Variants in TFDP2 observed in about 807,000 individuals in gnomAD.
TFDP2 encodes transcription factor Dp-2, also known as transcription factor Dp-2 (E2F dimerization partner 2).
Under a neutral mutation model 59.3 loss-of-function variants are expected in TFDP2, and 17 were observed. The observed-to-expected ratio is 0.29, with a 90% CI of 0.20 to 0.43. The LOEUF is 0.43. Among genes scored for constraint, TFDP2 ranks in the 20% least tolerant of loss-of-function variants. The pLI is 1.00. For missense variants in TFDP2, 391 were observed against 528.8 expected (o/e 0.74, Z 2.56); for synonymous variants, 180 against 194.7 (o/e 0.92, Z 0.63).
intron 9 of TFDP2, among the ~76,000 whole-genome samples, chr3:141,966,916 TAAA>T (rs10668338): frequency 3.3e-5 from 4 of 120,740 alleles, no homozygotes; most frequent in Non-Finnish European, 1.7e-5. Flanking sequence ...GATTACTTAT[TAAA>T]AAAAAAAAAA....
chr3:142,009,013 T>C (rs1944435876), intron 3 of TFDP2, among the ~76,000 whole-genome samples: 1 of 152,150 alleles, frequency 6.6e-6, no homozygotes, highest in Admixed American at 6.5e-5. Context: ...CTCCTTCTTG[T>C]TAAAAGCTGT....
intron 4 of TFDP2, among the ~76,000 whole-genome samples, chr3:142,004,573 A>C (rs544674292): frequency 6.6e-6 from 1 of 152,360 alleles, no homozygotes; most frequent in Non-Finnish European, 1.5e-5. Context: ...TACACACTTC[A>C]TGCTCTAGCA....
chr3:141,980,610 T>C (rs941653547), intron 6 of TFDP2, among the ~76,000 whole-genome samples: 3 of 152,142 alleles, frequency 2.0e-5, no homozygotes, highest in African/African-American at 7.2e-5. Context: ...TGGTATGATC[T>C]CAGCTCACTG....
chr3:142,135,006 C>T (rs1295482733), intron 1 of TFDP2, among the ~76,000 whole-genome samples: 1 of 152,142 alleles, frequency 6.6e-6, no homozygotes, highest in Non-Finnish European at 1.5e-5. Context: ...TTAGCCACAG[C>T]ATTTCCATGA....
intron 1 of TFDP2, among the ~76,000 whole-genome samples, chr3:142,133,269 T>C (rs1482392579): frequency 6.7e-6 from 1 of 150,084 alleles, no homozygotes; most frequent in Non-Finnish European, 1.5e-5. Flanking sequence ...CAGACTGGAG[T>C]CCAGTGGCAC....
At chr3:142,027,862 T>C (rs1946208059) in intron 3 of TFDP2, among the ~76,000 whole-genome samples, 1 of 152,114 alleles carries the variant, frequency 6.6e-6, no homozygotes, top group Admixed American at 6.6e-5. Flanking sequence ...GCTAACATAA[T>C]GGCAGTCACT....
At chr3:142,031,070 AC>A (rs534137963) in intron 3 of TFDP2, among the ~76,000 whole-genome samples, 8 of 151,780 alleles carry the variant, frequency 5.3e-5, no homozygotes, top group African/African-American at 1.4e-4. Flanking sequence ...ATAGGAGAGC[AC>A]CCCCCCGGCC....
intron 6 of TFDP2, among the ~76,000 whole-genome samples, chr3:141,979,540 G>T (rs1330536758): frequency 6.6e-6 from 1 of 152,096 alleles, no homozygotes; most frequent in African/African-American, 2.4e-5. Flanking sequence ...GGAGGTGGAG[G>T]ACAGTGATAT....
chr3:142,024,180 T>G (rs1187288513), intron 3 of TFDP2, among the ~76,000 whole-genome samples: 1 of 152,208 alleles, frequency 6.6e-6, no homozygotes, highest in Non-Finnish European at 1.5e-5. Context: ...GGTCTGTTCA[T>G]TTTTCTGTCA....
At chr3:141,967,924 C>T (rs1309466532) in intron 9 of TFDP2, among the ~76,000 whole-genome samples, 7 of 152,106 alleles carry the variant, frequency 4.6e-5, no homozygotes, top group Non-Finnish European at 5.9e-5. Context: ...AGGCAGATGA[C>T]TGTTGGCATG....
intron 1 of TFDP2, among the ~76,000 whole-genome samples, chr3:142,108,338 T>C (rs1240151260): frequency 1.3e-5 from 2 of 152,016 alleles, no homozygotes; most frequent in Non-Finnish European, 2.9e-5. Context: ...GCCTCCCAAG[T>C]AGCTAGGATT....
intron 3 of TFDP2, among the ~76,000 whole-genome samples, chr3:142,051,332 T>G (rs999609400): frequency 4.6e-5 from 7 of 152,006 alleles, no homozygotes; most frequent in Non-Finnish European, 1.0e-4. Context: ...TGAGATCAGG[T>G]GTTTGAGACC....
chr3:142,083,789 C>G (rs2060717734), intron 3 of TFDP2, among the ~76,000 whole-genome samples: 1 of 152,168 alleles, frequency 6.6e-6, no homozygotes, highest in African/African-American at 2.4e-5. Context: ...GCTGGGAAAA[C>G]TGGATATCCG....
intron 1 of TFDP2, among the ~76,000 whole-genome samples, chr3:142,124,935 C>T (rs767950401): frequency 3.9e-5 from 6 of 152,128 alleles, no homozygotes; most frequent in Non-Finnish European, 7.3e-5. Context: ...GTAGATTACA[C>T]CTGTAACTCC....
intron 3 of TFDP2, among the ~76,000 whole-genome samples, chr3:142,034,777 G>A (rs912674453): frequency 2.7e-5 from 4 of 149,092 alleles, no homozygotes; most frequent in Admixed American, 6.8e-5. Context: ...GTGCAGTGGC[G>A]CAATCTCGGC....
chr3:142,103,931 T>A (rs961403111), intron 1 of TFDP2, among the ~76,000 whole-genome samples: 3 of 152,096 alleles, frequency 2.0e-5, no homozygotes, highest in Non-Finnish European at 4.4e-5. Flanking sequence ...GCAGTTTTGT[T>A]ACATAGGTAT....
At chr3:142,067,863 C>G (rs4683665) in intron 3 of TFDP2, among the ~76,000 whole-genome samples, 13,964 of 151,724 alleles carry the variant, frequency 0.092, 727 homozygotes, top group Middle Eastern at 0.14. Context: ...AATTAGCTGG[C>G]CATGGTGGCA....
intron 10 of TFDP2, among the ~76,000 whole-genome samples, chr3:141,962,508 G>A (rs917365510): frequency 1.3e-4 from 20 of 152,070 alleles, no homozygotes; most frequent in African/African-American, 4.1e-4. Flanking sequence ...ACAGGCGTGC[G>A]CCACCAAGCC....
intron 6 of TFDP2, among the ~76,000 whole-genome samples, chr3:141,984,181 C>T (rs1941801405): frequency 1.3e-5 from 2 of 152,116 alleles, no homozygotes; most frequent in African/African-American, 2.4e-5. Flanking sequence ...ACTGTGAAGA[C>T]ATAAGTGACA....
Sources: allele counts gnomAD v4.1 joint callset (sites outside exome capture counted in the v4.1 genomes callset), GRCh38; gene constraint gnomAD v4.1.1; transcripts MANE v1.5; gene names NCBI Gene and HGNC (gene_info 2026-07-23, HGNC 2026-07-21).